The following CUBN variants were observed in gnomAD, a reference collection of about 807,000 sequenced individuals.
CUBN encodes the protein cubilin.
CUBN carries 282 observed loss-of-function variants against 405.3 expected under a neutral mutation model. That is an observed-to-expected ratio of 0.70 (90% CI 0.63 to 0.77). CUBN has a LOEUF of 0.77. Ranked by LOEUF, CUBN falls within the 30% of genes least tolerant of loss-of-function variation. The pLI is 0.00. For missense variants in CUBN, 4,514 were observed against 4,475.2 expected (o/e 1.01, Z -0.25); for synonymous variants, 1,684 against 1,617.0 (o/e 1.04, Z -0.99).
In CUBN at chr10:16,840,360, C is replaced by G. The variant is rs147330179; in HGVS notation, c.10002G>C (p.Gln3334His). Residue 3334 changes from glutamine (Q) to histidine (H), a missense_variant, in exon 62 of 67, where the codon CAG (glutamine) becomes CAC (histidine). By Grantham distance (24) the Gln-to-His change is conservative (BLOSUM62 0). Around this residue, in one of 5 missense-constraint regions of CUBN, gnomAD observed 1,186 missense variants for 1,186.9 expected, o/e 1.00. Coordinates refer to ENST00000377833, the MANE Select transcript of CUBN (RefSeq NM_001081.4). ...ALQLTSQDCTQNYLQLQDSPQ... is the reference protein window; with the variant it reads ...ALQLTSQDCTHNYLQLQDSPQ... ...GTGAGTCCTGAAGCTGTAAGTAATT[C>G]TGCGTGCAGTCTTGCGAGGTCAGCT... 302 of 1,614,118 alleles carry G rather than the reference C, an allele frequency of 1.9e-4. No individual in the cohort carries two copies. In the African/African-American group the frequency reaches 3.6e-3, roughly 19 times the overall value.
chr10:17,117,924 G>A (rs73604207), intron 6 of CUBN, among the ~76,000 whole-genome samples: 3,523 of 152,190 alleles, frequency 0.023, 144 homozygotes, highest in African/African-American at 0.08. Flanking sequence ...TGTGAATTAT[G>A]GTCATATTGC....
At chr10:17,129,035 C>A in intron 2 of CUBN, 86 bp downstream of exon 2, 1 of 1,015,354 alleles carries the variant, frequency 9.8e-7, no homozygotes, top group Non-Finnish European at 1.5e-6. Flanking sequence ...AAAAAAGATT[C>A]AAGGTACAGA....
chr10:16,998,393 C>T (rs897736352), intron 28 of CUBN, among the ~76,000 whole-genome samples: 6 of 152,100 alleles, frequency 3.9e-5, no homozygotes, highest in Admixed American at 1.3e-4. Context: ...ATCTACAAGG[C>T]TTAGAAAGCC....
At chr10:16,903,729 GT>G (rs1479866101) in intron 51 of CUBN, among the ~76,000 whole-genome samples, 1 of 147,312 alleles carries the variant, frequency 6.8e-6, no homozygotes, top group Non-Finnish European at 1.5e-5. Flanking sequence ...AAATTATGCA[GT>G]TTATTATTGA....
chr10:17,090,919 C>G, intron 14 of CUBN, among the ~76,000 whole-genome samples: 1 of 147,088 alleles, frequency 6.8e-6, no homozygotes, highest in Non-Finnish European at 1.5e-5. Flanking sequence ...CTTTAAAAAA[C>G]AACAAAAAAG....
chr10:16,957,935 C>T (rs573885985), intron 31 of CUBN, among the ~76,000 whole-genome samples: 9 of 151,320 alleles, frequency 5.9e-5, no homozygotes, highest in African/African-American at 1.9e-4. Flanking sequence ...TTTTGCAAGT[C>T]CATGGACTCA....
intron 31 of CUBN, among the ~76,000 whole-genome samples, chr10:16,982,159 T>C (rs369408035): frequency 1.2e-4 from 19 of 152,324 alleles, no homozygotes; most frequent in South Asian, 1.2e-3. Context: ...TTCTTCCTTT[T>C]TTCAGAGGTA....
chr10:16,884,098 G>C (rs1319586569), intron 56 of CUBN, among the ~76,000 whole-genome samples: 1 of 152,136 alleles, frequency 6.6e-6, no homozygotes, highest in African/African-American at 2.4e-5. Context: ...TCCTGCTTCA[G>C]CTTCCCGAGT....
At chr10:17,036,807 CT>C (rs1269647618) in intron 27 of CUBN, among the ~76,000 whole-genome samples, 1 of 152,192 alleles carries the variant, frequency 6.6e-6, no homozygotes, top group Non-Finnish European at 1.5e-5. Flanking sequence ...ATTGATTTCT[CT>C]TTGCGGCAGT....
intron 15 of CUBN, among the ~76,000 whole-genome samples, chr10:17,087,959 C>A (rs901905121): frequency 3.9e-5 from 6 of 152,156 alleles, no homozygotes; most frequent in Admixed American, 2.6e-4. Flanking sequence ...ATCTGTTTCC[C>A]AGATTCAAAT....
intron 31 of CUBN, among the ~76,000 whole-genome samples, chr10:16,966,199 G>A (rs1843386720): frequency 6.6e-6 from 1 of 152,172 alleles, no homozygotes; most frequent in Non-Finnish European, 1.5e-5. Context: ...CTTTCCAAGT[G>A]GTTGGCATCT....
Position 17,061,850 on chromosome 10 carries a change from T to C in CUBN, c.3139+3658A>G, listed in dbSNP as rs570838962. Among the ~76,000 whole-genome samples the C allele has an allele frequency of 7.2e-5, 11 of 152,302 alleles. No homozygotes were observed. The South Asian group carries it at 2.3e-3, about 32-fold the overall frequency. ...TTATATGCAGTTCATTTAGAGCGTT[T>C]CTAAGAGCTAACCTAGACATGGCAA... On this transcript the variant is annotated intron_variant, in intron 22 of 66. Transcript: ENST00000377833.
At chr10:17,120,824 G>A (rs1281919471) in intron 6 of CUBN, among the ~76,000 whole-genome samples, 1 of 152,100 alleles carries the variant, frequency 6.6e-6, no homozygotes, top group Admixed American at 6.5e-5. Flanking sequence ...TCGCTCTATT[G>A]GCCCACAAGA....
At chr10:16,943,701 T>A (rs562052823) in intron 36 of CUBN, among the ~76,000 whole-genome samples, 13 of 152,276 alleles carry the variant, frequency 8.5e-5, no homozygotes, top group African/African-American at 3.1e-4. Flanking sequence ...GGAGAGCTTG[T>A]TTGAAACAAG....
At chr10:16,877,118 C>G in intron 56 of CUBN, 21 bp from the exon 57 acceptor site, 2 of 1,604,490 alleles carry the variant, frequency 1.2e-6, no homozygotes, top group Non-Finnish European at 1.7e-6. Flanking sequence ...CATGGAACAA[C>G]CGCATTATGA....
chr10:17,051,140 T>C (rs931013826), intron 22 of CUBN, among the ~76,000 whole-genome samples: 1 of 151,766 alleles, frequency 6.6e-6, no homozygotes. Flanking sequence ...GGCAGGTGGA[T>C]CATGAGGTCA....
chr10:16,904,009 T>A lies in CUBN; in HGVS notation c.8019A>T (p.Glu2673Asp). The A allele has an allele frequency of 6.2e-7, 1 of 1,613,530 alleles. No individual in the cohort carries two copies. Among genetic ancestry groups the A allele is most frequent in the Non-Finnish European group, 8.5e-7 (1 of 1,179,460 alleles). ...CATGGAATCCAATGTGTTCTACACG[T>A]TCGTTGGTGACAAAGTGAATCCATA... ...SQVWIHFVTN[E>D]RVEHIGFHAK... The change falls in exon 51 of 67, where the codon GAA becomes GAT. Residue 2673 changes from glutamate to aspartate, a missense_variant. Transcript: ENST00000377833.
At chr10:16,890,663 T>C (rs754433175) in intron 54 of CUBN, 136 bp from the exon 55 acceptor site, 40 of 876,130 alleles carry the variant, frequency 4.6e-5, no homozygotes, top group Non-Finnish European at 7.0e-5. Flanking sequence ...GACAAATCTG[T>C]AGTATTTTCT....
chr10:17,095,743 T>C (rs1340570228), intron 14 of CUBN, among the ~76,000 whole-genome samples: 1 of 152,122 alleles, frequency 6.6e-6, no homozygotes, highest in East Asian at 1.9e-4. Context: ...CTTCTGGTTA[T>C]ATATCCACAG....
Sources: allele counts gnomAD v4.1 joint callset (sites outside exome capture counted in the v4.1 genomes callset), GRCh38; gene constraint gnomAD v4.1.1; regional missense constraint gnomAD v4.1.1; transcripts MANE v1.5; gene names NCBI Gene and HGNC (gene_info 2026-07-23, HGNC 2026-07-21).